PRIMA1: variants seen among roughly 807,000 people sequenced by gnomAD.
PRIMA1 encodes proline-rich membrane anchor 1.
A neutral mutation model predicts 17.5 loss-of-function variants in PRIMA1; 7 were observed. That is an observed-to-expected ratio of 0.40 (90% CI 0.23 to 0.75). The LOEUF (loss-of-function observed/expected upper bound fraction) is 0.75, where lower values mean the gene tolerates loss of function less well. Among genes scored for constraint, PRIMA1 ranks in the 30% least tolerant of loss-of-function variants. PRIMA1 has a pLI of 0.37. For synonymous variants in PRIMA1, 97 were observed against 77.9 expected (o/e 1.25, Z -1.29); for missense variants, 200 against 201.8 (o/e 0.99, Z 0.05).
intron 3 of PRIMA1, among the ~76,000 whole-genome samples, chr14:93,758,917 G>A (rs970574976): frequency 3.3e-5 from 5 of 152,098 alleles, no homozygotes; most frequent in African/African-American, 4.8e-5. Context: ...CTACCTGCCC[G>A]CTCTCTGTGG....
chr14:93,767,269 C>A (rs75568398), intron 3 of PRIMA1, among the ~76,000 whole-genome samples: 4,824 of 152,282 alleles, frequency 0.032, 116 homozygotes, highest in African/African-American at 0.059. Flanking sequence ...TTCAAAACAA[C>A]CCTACTGAGT....
At chr14:93,753,846 C>T (rs960409266) in intron 3 of PRIMA1, among the ~76,000 whole-genome samples, 5 of 152,152 alleles carry the variant, frequency 3.3e-5, no homozygotes, top group Admixed American at 6.5e-5. Flanking sequence ...GCCAAACCCC[C>T]GGAAACACGA....
intron 4 of PRIMA1, among the ~76,000 whole-genome samples, chr14:93,735,769 G>A (rs1231760527): frequency 6.8e-6 from 1 of 147,230 alleles, no homozygotes; most frequent in Non-Finnish European, 1.5e-5. Flanking sequence ...TCAGCGCACT[G>A]CAACCTCCGC....
At chr14:93,755,829 C>G (rs1468431625) in intron 3 of PRIMA1, among the ~76,000 whole-genome samples, 1 of 152,036 alleles carries the variant, frequency 6.6e-6, no homozygotes, top group Non-Finnish European at 1.5e-5. Flanking sequence ...CCAGAGCCAA[C>G]CCACAAGGGT....
intron 4 of PRIMA1, among the ~76,000 whole-genome samples, chr14:93,722,701 A>G (rs906350755): frequency 1.1e-3 from 12 of 10,842 alleles, no homozygotes; most frequent in Admixed American, 0.01. Flanking sequence ...AATGATGATG[A>G]TAGTGGTGGT....
chr14:93,744,438 G>A (rs1186275127), intron 3 of PRIMA1, among the ~76,000 whole-genome samples: 2 of 152,228 alleles, frequency 1.3e-5, no homozygotes, highest in Non-Finnish European at 2.9e-5. Flanking sequence ...CTCCTATGGC[G>A]GCTGGGGGAG....
chr14:93,763,339 C>G (rs1884792090), intron 3 of PRIMA1, among the ~76,000 whole-genome samples: 1 of 152,210 alleles, frequency 6.6e-6, no homozygotes, highest in South Asian at 2.1e-4. Context: ...TCATCTCTGG[C>G]CACACCCATG....
intron 3 of PRIMA1, among the ~76,000 whole-genome samples, chr14:93,742,783 G>T (rs982239757): frequency 2.6e-5 from 4 of 152,216 alleles, no homozygotes; most frequent in African/African-American, 4.8e-5. Context: ...GAGTAGGAAA[G>T]ACTTCAAGAC....
At chr14:93,733,330 GTGTTATTTC>G (rs1453041658) in intron 4 of PRIMA1, among the ~76,000 whole-genome samples, 4 of 150,962 alleles carry the variant, frequency 2.6e-5, no homozygotes, top group Non-Finnish European at 5.9e-5. Context: ...CACAGGAGAA[GTGTTATTTC>G]ACCTAATCTG....
chr14:93,784,836 G>A (rs968730110), intron 2 of PRIMA1, among the ~76,000 whole-genome samples: 1 of 152,140 alleles, frequency 6.6e-6, no homozygotes, highest in African/African-American at 2.4e-5. Context: ...GCTCTACATT[G>A]CCAAACTATC....
At chr14:93,745,714 C>T (rs2076212938) in intron 3 of PRIMA1, among the ~76,000 whole-genome samples, 1 of 152,242 alleles carries the variant, frequency 6.6e-6, no homozygotes, top group Non-Finnish European at 1.5e-5. Context: ...TGGGTTATCA[C>T]GGTTGTCCCA....
At position 93,720,304 on chromosome 14, in the gene PRIMA1, C is replaced by T. The variant is rs1395648636; in HGVS notation, c.*1140G>A. The T allele has an allele frequency of 6.6e-6, 1 of 152,292 alleles. No individual in the cohort carries two copies. The highest frequency in any genetic ancestry group is 1.5e-5 in the Non-Finnish European group (1 of 68,088). 9.4% of individuals were successfully genotyped at this position (152,292 alleles called of 1,614,324 possible). On this transcript the variant is annotated 3_prime_UTR_variant, in exon 5 of 5. Coordinates refer to ENST00000393140, the MANE Select transcript of PRIMA1 (RefSeq NM_178013.4). ...CACCAGCCTGGAGGACCCCTCTCCTCCTGTCCCATTTCATCCCTTGATCCT... is the reference window on the plus strand; with the variant it reads ...CACCAGCCTGGAGGACCCCTCTCCTTCTGTCCCATTTCATCCCTTGATCCT...
intron 3 of PRIMA1, among the ~76,000 whole-genome samples, chr14:93,771,705 A>C (rs1357880687): frequency 5.3e-5 from 8 of 152,234 alleles, no homozygotes; most frequent in Admixed American, 5.2e-4. Flanking sequence ...TGTGGAAGTC[A>C]GGGAAGGTCT....
chr14:93,734,082 T>C (rs1260477561), intron 4 of PRIMA1, among the ~76,000 whole-genome samples: 1 of 152,204 alleles, frequency 6.6e-6, no homozygotes, highest in Non-Finnish European at 1.5e-5. Context: ...TAAATATCTG[T>C]CTGCTGCACC....
chr14:93,730,316 G>T (rs1005366666), intron 4 of PRIMA1, among the ~76,000 whole-genome samples: 1 of 152,218 alleles, frequency 6.6e-6, no homozygotes, highest in African/African-American at 2.4e-5. Context: ...GTAAATTCAG[G>T]GACAGCTATA....
intron 3 of PRIMA1, among the ~76,000 whole-genome samples, chr14:93,752,382 G>A (rs2076265224): frequency 6.6e-6 from 1 of 152,204 alleles, no homozygotes; most frequent in South Asian, 2.1e-4. Flanking sequence ...CCAACGCTCT[G>A]CTGAGCTGGA....
chr14:93,767,141 G>C (rs1884913623), intron 3 of PRIMA1, among the ~76,000 whole-genome samples: 1 of 152,320 alleles, frequency 6.6e-6, no homozygotes, highest in Middle Eastern at 3.4e-3. Context: ...CTTGAAGGGG[G>C]TGGGCAGACC....
rs1043395065 is a variant in PRIMA1 at position 93,730,270 on chromosome 14, A to G, written c.359+6971T>C. Among the ~76,000 whole-genome samples, 5 of 152,376 alleles carry G rather than the reference A, an allele frequency of 3.3e-5. No homozygotes were observed. The East Asian group carries it at 5.8e-4, about 18-fold the overall frequency. ...TTCGCAAGGGTGTGGGCACACGAAC[A>G]CCGACATACACCTACCTACAGCAGA... On this transcript the variant is annotated intron_variant, in intron 4 of 4. Transcript: ENST00000393140.
chr14:93,768,483 G>T (rs1734184545), intron 3 of PRIMA1, among the ~76,000 whole-genome samples: 1 of 152,180 alleles, frequency 6.6e-6, no homozygotes, highest in Non-Finnish European at 1.5e-5. Context: ...CCCGTCTAGG[G>T]TGGGCCTGGG....
Sources: gnomAD v4.1 joint callset for allele counts (sites outside exome capture counted in the v4.1 genomes callset) on GRCh38, gnomAD v4.1.1 for gene constraint, MANE v1.5 for transcripts, NCBI Gene and HGNC (gene_info 2026-07-23, HGNC 2026-07-21) for gene names.